SNX18: variants seen among roughly 807,000 people sequenced by gnomAD.
SNX18 encodes sorting nexin 18, also known as sorting nexin-18.
SNX18 carries 35 observed loss-of-function variants against 48.7 expected under a neutral mutation model. The observed-to-expected ratio is 0.72, with a 90% CI of 0.55 to 0.95. The LOEUF (loss-of-function observed/expected upper bound fraction) is 0.95. SNX18 is among the 40% of genes least tolerant of loss of function. SNX18 has a pLI of 0.00. For missense variants in SNX18, 824 were observed against 871.0 expected, an observed-to-expected ratio of 0.95 and a Z score of 0.68; for synonymous variants, 492 against 384.7, an observed-to-expected ratio of 1.28 and a Z score of -3.26.
At chr5:54,611,866 C>A in the SNX18 span, among the ~76,000 whole-genome samples, 1 of 124,160 alleles carries the variant, frequency 8.1e-6, no homozygotes, top group Non-Finnish European at 1.7e-5. Flanking sequence ...GAATTTTCTT[C>A]TTCTTCTTCT....
the SNX18 span, among the ~76,000 whole-genome samples, chr5:54,593,124 G>T: frequency 2.6e-5 from 4 of 152,028 alleles, no homozygotes; most frequent in Non-Finnish European, 5.9e-5. Flanking sequence ...ATTGATAGTC[G>T]GCTGCTCTAT....
At chr5:54,581,300 TGAGA>T in the SNX18 span, among the ~76,000 whole-genome samples, 1 of 152,012 alleles carries the variant, frequency 6.6e-6, no homozygotes, top group African/African-American at 2.4e-5. Context: ...GTGGGAAAGA[TGAGA>T]GAGAGCAAGA....
At chr5:54,541,516 A>G (rs558451266) in intron 1 of SNX18, among the ~76,000 whole-genome samples, 1 of 152,048 alleles carries the variant, frequency 6.6e-6, no homozygotes, top group Non-Finnish European at 1.5e-5. Flanking sequence ...AAAGGGCCCT[A>G]TTTTCAGAGT....
chr5:54,572,754 G>GTGTGTGTATATATATATATATATA, the SNX18 span, among the ~76,000 whole-genome samples: 2 of 31,858 alleles, frequency 6.3e-5, no homozygotes, highest in Non-Finnish European at 1.2e-4. Context: ...GTGTGTGTGT[G>GTGTGTGTATATATATATATATATA]TATATATATA....
the SNX18 span, among the ~76,000 whole-genome samples, chr5:54,580,509 C>G: frequency 6.6e-6 from 1 of 152,086 alleles, no homozygotes. Context: ...CATTCAGTAG[C>G]TAGGTGAGAC....
intron 1 of SNX18, among the ~76,000 whole-genome samples, chr5:54,523,624 T>C (rs984928971): frequency 6.6e-6 from 1 of 152,230 alleles, no homozygotes; most frequent in African/African-American, 2.4e-5. Flanking sequence ...CTGTTTTCTG[T>C]ACTCTTAAAT....
At chr5:54,628,595 C>G in the SNX18 span, among the ~76,000 whole-genome samples, 4 of 152,174 alleles carry the variant, frequency 2.6e-5, no homozygotes, top group Non-Finnish European at 4.4e-5. Context: ...GGGTGTGTCC[C>G]CACCTCTAGT....
the SNX18 span, among the ~76,000 whole-genome samples, chr5:54,575,445 T>C: frequency 7.0e-6 from 1 of 143,148 alleles, no homozygotes; most frequent in Non-Finnish European, 1.5e-5. Flanking sequence ...TGATCTCAGC[T>C]CACTGCAACC....
the SNX18 span, among the ~76,000 whole-genome samples, chr5:54,563,177 GA>G: frequency 3.3e-3 from 497 of 152,158 alleles, 3 homozygotes; most frequent in Admixed American, 7.2e-3. Context: ...ACTGAGGAAA[GA>G]AAAAAATGTT....
the SNX18 span, among the ~76,000 whole-genome samples, chr5:54,591,927 G>A: frequency 0.15 from 23,222 of 152,134 alleles, 2,013 homozygotes; most frequent in South Asian, 0.22. Context: ...GAGATTGTTT[G>A]TTGCTAACAA....
At chr5:54,629,597 C>A in the SNX18 span, among the ~76,000 whole-genome samples, 6 of 152,194 alleles carry the variant, frequency 3.9e-5, no homozygotes, top group African/African-American at 9.7e-5. Context: ...AATATTATAA[C>A]CATTGTGCCT....
At chr5:54,550,204 A>C (rs1411268455), downstream of SNX18, among the ~76,000 whole-genome samples, 2 of 152,188 alleles carry the variant, frequency 1.3e-5, no homozygotes, top group East Asian at 1.9e-4. Flanking sequence ...TAACCTCCTG[A>C]GAGTGTCAGG....
the SNX18 span, among the ~76,000 whole-genome samples, chr5:54,578,501 C>T: frequency 4.0e-4 from 61 of 152,298 alleles, no homozygotes; most frequent in African/African-American, 1.4e-3. Flanking sequence ...AGTCCAGCTA[C>T]GTACTTGGGA....
intron 1 of SNX18, among the ~76,000 whole-genome samples, chr5:54,542,844 CTTG>C (rs1316142602): frequency 6.6e-6 from 1 of 152,124 alleles, no homozygotes; most frequent in Non-Finnish European, 1.5e-5. Flanking sequence ...ACTGCAGTTT[CTTG>C]TTGTGTCTTT....
chr5:54,523,468 T>C (rs1282668277), intron 1 of SNX18, among the ~76,000 whole-genome samples: 1 of 152,206 alleles, frequency 6.6e-6, no homozygotes, highest in Admixed American at 6.5e-5. Flanking sequence ...GTTTAGGAAT[T>C]TGGACTAAAT....
chr5:54,645,675 A>G, the SNX18 span: 2 of 152,228 alleles, frequency 1.3e-5, no homozygotes, highest in African/African-American at 4.8e-5. Context: ...CTCTGTTCAC[A>G]ATGTGGGCTC....
rs536032363 is a variant in SNX18, at chr5:54,530,241, A to T, written c.1621+10668A>T. Among the ~76,000 whole-genome samples, 49 of 152,336 alleles carry T rather than the reference A, an allele frequency of 3.2e-4. 3 individuals are homozygous for T. The South Asian group carries it at 9.5e-3, about 30-fold the overall frequency. On this transcript the variant is annotated intron_variant, in intron 1 of 1. Coordinates refer to ENST00000381410, the MANE Select transcript of SNX18 (RefSeq NM_001102575.2). Reference sequence around the variant, plus strand: ...CCTTACCTTAACTAATTACATATTCAGAGACCCTGTTTCCAAAAAAGGTCA... The same window carrying T: ...CCTTACCTTAACTAATTACATATTCTGAGACCCTGTTTCCAAAAAAGGTCA...
chr5:54,616,775 GA>G, the SNX18 span, among the ~76,000 whole-genome samples: 575 of 149,256 alleles, frequency 3.9e-3, 4 homozygotes, highest in Non-Finnish European at 4.8e-3. Flanking sequence ...TCTCAAAAAA[GA>G]AAAAAAAAAT....
chr5:54,627,554 G>T, the SNX18 span, among the ~76,000 whole-genome samples: 6 of 152,106 alleles, frequency 3.9e-5, no homozygotes, highest in African/African-American at 2.4e-5. Context: ...TCAAAAACAG[G>T]TTCATAAGTT....
Sources: allele counts gnomAD v4.1 joint callset (sites outside exome capture counted in the v4.1 genomes callset), GRCh38; gene constraint gnomAD v4.1.1; transcripts MANE v1.5; gene names NCBI Gene and HGNC (gene_info 2026-07-23, HGNC 2026-07-21).